PLEKHD1: variants seen among roughly 807,000 people sequenced by gnomAD.
PLEKHD1 encodes pleckstrin homology and coiled-coil domain containing D1.
PLEKHD1 carries 51 observed loss-of-function variants against 69.2 expected under a neutral mutation model. That is an observed-to-expected ratio of 0.74 (90% CI 0.59 to 0.93). The LOEUF is 0.93. Among genes scored for constraint, PLEKHD1 ranks in the 40% least tolerant of loss-of-function variants. PLEKHD1 has a pLI of 0.00. For synonymous variants in PLEKHD1, 236 were observed against 244.7 expected (o/e 0.96, Z 0.33); for missense variants, 584 against 641.0 (o/e 0.91, Z 0.96).
At chr14:69,491,413 A>G (rs576275857) in intron 1 of PLEKHD1, among the ~76,000 whole-genome samples, 3 of 151,772 alleles carry the variant, frequency 2.0e-5, no homozygotes, top group African/African-American at 7.3e-5. Context: ...CTCTCTCTGG[A>G]CTCTTGGATC....
intron 7 of PLEKHD1, 142 bp from the exon 8 acceptor site, chr14:69,524,087 C>T: frequency 6.4e-6 from 4 of 624,792 alleles, no homozygotes; most frequent in Non-Finnish European, 8.4e-6. Flanking sequence ...CTGTCAGGGC[C>T]CAGCTGTGCA....
At chr14:69,499,355 C>T (rs1414317318) in intron 1 of PLEKHD1, among the ~76,000 whole-genome samples, 2 of 152,152 alleles carry the variant, frequency 1.3e-5, no homozygotes, top group Non-Finnish European at 2.9e-5. Flanking sequence ...GAGGAAGGAG[C>T]CAGCCACTCT....
At chr14:69,498,093 T>A (rs1477583460) in intron 1 of PLEKHD1, among the ~76,000 whole-genome samples, 2 of 146,232 alleles carry the variant, frequency 1.4e-5, no homozygotes, top group Non-Finnish European at 3.0e-5. Flanking sequence ...TTTATTTTAT[T>A]TTATTTTATT....
chr14:69,516,976 G>T (rs1480683541), intron 6 of PLEKHD1, among the ~76,000 whole-genome samples: 1 of 152,162 alleles, frequency 6.6e-6, no homozygotes, highest in Non-Finnish European at 1.5e-5. Flanking sequence ...AGTGAAGTTG[G>T]CTGCAATATG....
At chr14:69,499,265 A>ACACT (rs1882968495) in intron 1 of PLEKHD1, among the ~76,000 whole-genome samples, 1 of 127,002 alleles carries the variant, frequency 7.9e-6, no homozygotes, top group Non-Finnish European at 1.7e-5. Flanking sequence ...ACACACACAC[A>ACACT]CTCACACCAG....
At chr14:69,521,905 C>A (rs1019235907) in intron 6 of PLEKHD1, among the ~76,000 whole-genome samples, 2 of 152,184 alleles carry the variant, frequency 1.3e-5, no homozygotes, top group Non-Finnish European at 2.9e-5. Context: ...AATACACACT[C>A]ACCACTCTTT....
chr14:69,482,337 C>A (rs1212222077), upstream of PLEKHD1, among the ~76,000 whole-genome samples: 1 of 152,212 alleles, frequency 6.6e-6, no homozygotes, highest in East Asian at 1.9e-4. Flanking sequence ...AAACTCACCA[C>A]TAGTCCTCAT....
chr14:69,475,943 G>A, the PLEKHD1 span, among the ~76,000 whole-genome samples: 48 of 152,334 alleles, frequency 3.2e-4, 1 homozygote, highest in South Asian at 5.0e-3. Flanking sequence ...TTCAACCAAG[G>A]GGAGGAGGAA....
chr14:69,511,318 C>A (rs117047296), intron 6 of PLEKHD1, among the ~76,000 whole-genome samples: 4,517 of 151,952 alleles, frequency 0.03, 145 homozygotes, highest in South Asian at 0.17. Context: ...GCCACCATGC[C>A]CTGCTAATTT....
chr14:69,475,370 G>A, the PLEKHD1 span, among the ~76,000 whole-genome samples: 3 of 152,242 alleles, frequency 2.0e-5, no homozygotes, highest in African/African-American at 4.8e-5. Flanking sequence ...TGTCTGCTGA[G>A]TGTGCTGCCC....
chr14:69,493,591 A>G (rs2139497547), intron 1 of PLEKHD1, among the ~76,000 whole-genome samples: 1 of 152,364 alleles, frequency 6.6e-6, no homozygotes, highest in East Asian at 1.9e-4. Context: ...TTTAAATAAG[A>G]TAAAGTCAAT....
chr14:69,523,736 A>C (rs1189786476), intron 7 of PLEKHD1, among the ~76,000 whole-genome samples: 1 of 152,128 alleles, frequency 6.6e-6, no homozygotes, highest in Non-Finnish European at 1.5e-5. Context: ...TAGGATTTTG[A>C]AAATTGGGCA....
intron 6 of PLEKHD1, among the ~76,000 whole-genome samples, chr14:69,517,739 G>C (rs1883416827): frequency 6.6e-6 from 1 of 152,074 alleles, no homozygotes; most frequent in South Asian, 2.1e-4. Context: ...CAGGGCCTTT[G>C]TACCTACCTT....
chr14:69,495,645 C>T (rs1470611447), intron 1 of PLEKHD1, among the ~76,000 whole-genome samples: 1 of 152,186 alleles, frequency 6.6e-6, no homozygotes, highest in African/African-American at 2.4e-5. Context: ...GGCCATAGAG[C>T]CCTATGCAAT....
intron 6 of PLEKHD1, among the ~76,000 whole-genome samples, chr14:69,517,380 A>G (rs1418239194): frequency 6.6e-6 from 1 of 152,020 alleles, no homozygotes; most frequent in African/African-American, 2.4e-5. Flanking sequence ...CAACAGTTGG[A>G]TATAAGAGGA....
At chr14:69,477,712 C>T in the PLEKHD1 span, among the ~76,000 whole-genome samples, 7 of 152,224 alleles carry the variant, frequency 4.6e-5, no homozygotes, top group South Asian at 2.1e-4. Context: ...AGCTCCAAAA[C>T]GATCTCCTTT....
chr14:69,489,579 AAAGG>A lies in PLEKHD1; in HGVS notation c.149+4468_149+4471del, dbSNP rs1181033078. The stretch of plus-strand genomic sequence containing the variant: ...ATCTCAAAAAAAAAAAAAAAAAAAA[AAAGG>A]AAAAAAAAAGAAAGTGAATCTAAGC... On this transcript the variant is annotated intron_variant, in intron 1 of 12. Coordinates refer to ENST00000322564, the MANE Select transcript of PLEKHD1 (RefSeq NM_001161498.2). Among the ~76,000 whole-genome samples the A allele has an allele frequency of 2.0e-3, 297 of 149,302 alleles. 1 individual carries two copies. Among genetic ancestry groups the A allele is most frequent in the South Asian group, 6.6e-3 (28 of 4,258 alleles).
chr14:69,500,844 C>T (rs962128919), intron 3 of PLEKHD1, 27 bp from the exon 4 acceptor site: 6 of 1,551,154 alleles, frequency 3.9e-6, no homozygotes, highest in Middle Eastern at 1.7e-4. Flanking sequence ...GCCTCTCAGG[C>T]ATGCGCATGG....
chr14:69,492,140 C>T (rs1882790422), intron 1 of PLEKHD1, among the ~76,000 whole-genome samples: 2 of 152,292 alleles, frequency 1.3e-5, no homozygotes, highest in South Asian at 4.1e-4. Flanking sequence ...CTTACCGCAC[C>T]TCCCCTGCAC....
Sources: gnomAD v4.1 joint callset for allele counts (sites outside exome capture counted in the v4.1 genomes callset) on GRCh38, gnomAD v4.1.1 for gene constraint, MANE v1.5 for transcripts, NCBI Gene and HGNC (gene_info 2026-07-23, HGNC 2026-07-21) for gene names.